HTR4: variants seen among roughly 807,000 people sequenced by gnomAD.
HTR4 encodes 5-hydroxytryptamine receptor 4.
In HTR4, 16 loss-of-function variants were observed where a neutral mutation model predicts 36.8. The observed-to-expected ratio is 0.43, with a 90% CI of 0.29 to 0.66. The LOEUF (loss-of-function observed/expected upper bound fraction) is 0.66, where lower values mean the gene tolerates loss of function less well. Among genes scored for constraint, HTR4 ranks in the 30% least tolerant of loss-of-function variants. The pLI is 0.13. For missense variants in HTR4, 438 were observed against 490.9 expected, an observed-to-expected ratio of 0.89 and a Z score of 1.02; for synonymous variants, 189 against 185.1, an observed-to-expected ratio of 1.02 and a Z score of -0.17.
chr5:148,647,034 T>C (rs1029516544), intron 1 of HTR4, among the ~76,000 whole-genome samples: 3 of 152,224 alleles, frequency 2.0e-5, no homozygotes, highest in South Asian at 2.1e-4. Context: ...AATATGTTTT[T>C]AACTAAGGCT....
intron 5 of HTR4, among the ~76,000 whole-genome samples, chr5:148,459,770 A>C (rs972591774): frequency 5.9e-5 from 9 of 152,192 alleles, no homozygotes; most frequent in Non-Finnish European, 1.2e-4. Flanking sequence ...AACAAACAAA[A>C]AAAACCACAC....
intron 2 of HTR4, among the ~76,000 whole-genome samples, chr5:148,594,777 T>G (rs572243569): frequency 6.6e-6 from 1 of 152,346 alleles, no homozygotes; most frequent in African/African-American, 2.4e-5. Context: ...CAAGGCTGGC[T>G]TTAACCCTAA....
chr5:148,566,893 A>T (rs1374804527), intron 2 of HTR4, among the ~76,000 whole-genome samples: 23 of 146,440 alleles, frequency 1.6e-4, no homozygotes, highest in Non-Finnish European at 9.1e-5. Flanking sequence ...TTATTTCTTC[A>T]TTTTTTTTTT....
At chr5:148,599,285 C>T (rs535449979) in intron 2 of HTR4, among the ~76,000 whole-genome samples, 127 of 152,008 alleles carry the variant, frequency 8.4e-4, no homozygotes, top group Non-Finnish European at 1.3e-3. Context: ...ATATTATGAC[C>T]GCAACCAAGA....
chr5:148,567,654 T>A (rs1412565163), intron 2 of HTR4, among the ~76,000 whole-genome samples: 1 of 152,158 alleles, frequency 6.6e-6, no homozygotes, highest in Non-Finnish European at 1.5e-5. Flanking sequence ...AAGTGCGCTC[T>A]GACCTGTGCG....
intron 2 of HTR4, among the ~76,000 whole-genome samples, chr5:148,579,708 A>G (rs1561631392): frequency 6.6e-6 from 1 of 152,116 alleles, no homozygotes; most frequent in East Asian, 1.9e-4. Flanking sequence ...GTAGGACTAA[A>G]GACCCCATTC....
downstream of HTR4, among the ~76,000 whole-genome samples, chr5:148,480,561 T>C (rs1463521869): frequency 1.3e-5 from 2 of 152,182 alleles, no homozygotes; most frequent in Non-Finnish European, 2.9e-5. Context: ...GTAGCTTTAG[T>C]AGAGATCAAA....
intron 2 of HTR4, among the ~76,000 whole-genome samples, chr5:148,596,952 A>T (rs1761802553): frequency 6.6e-6 from 1 of 152,170 alleles, no homozygotes; most frequent in Non-Finnish European, 1.5e-5. Context: ...GAAGGCAGAG[A>T]GTTGAGTAAG....
At chr5:148,542,906 T>C (rs1204457427) in intron 4 of HTR4, among the ~76,000 whole-genome samples, 1 of 152,200 alleles carries the variant, frequency 6.6e-6, no homozygotes, top group African/African-American at 2.4e-5. Context: ...AACACCCATC[T>C]TTCCAGTGAG....
At chr5:148,582,463 C>A (rs1761175881) in intron 2 of HTR4, among the ~76,000 whole-genome samples, 1 of 151,972 alleles carries the variant, frequency 6.6e-6, no homozygotes, top group East Asian at 1.9e-4. Context: ...CCCCCTTCAT[C>A]CCTCCCTCCT....
chr5:148,513,857 T>C (rs1330261926), intron 5 of HTR4, among the ~76,000 whole-genome samples: 2 of 152,202 alleles, frequency 1.3e-5, no homozygotes, highest in Non-Finnish European at 2.9e-5. Flanking sequence ...TTTCTAAGTA[T>C]TTTATGCTTT....
intron 2 of HTR4, among the ~76,000 whole-genome samples, chr5:148,568,691 G>C (rs1465207271): frequency 6.6e-6 from 1 of 152,132 alleles, no homozygotes; most frequent in Non-Finnish European, 1.5e-5. Context: ...TGTGCTGAAA[G>C]CATACTCTCA....
At chr5:148,470,090 G>T (rs910836522) in intron 5 of HTR4, among the ~76,000 whole-genome samples, 1 of 152,200 alleles carries the variant, frequency 6.6e-6, no homozygotes, top group African/African-American at 2.4e-5. Flanking sequence ...ATAGCTGACA[G>T]TTATTGAGAA....
chr5:148,615,104 T>C (rs1581549494), intron 2 of HTR4, among the ~76,000 whole-genome samples: 2 of 151,110 alleles, frequency 1.3e-5, no homozygotes, highest in African/African-American at 4.8e-5. Context: ...AGTTCAACCA[T>C]TGTGGAAGTC....
At chr5:148,520,695 G>A (rs149924173) in intron 5 of HTR4, among the ~76,000 whole-genome samples, 153 of 152,272 alleles carry the variant, frequency 1.0e-3, no homozygotes, top group African/African-American at 3.6e-3. Context: ...TTAACAGGGG[G>A]CTTCATACAT....
At chr5:148,555,444 T>TC (rs1759903699) in intron 2 of HTR4, among the ~76,000 whole-genome samples, 1 of 152,124 alleles carries the variant, frequency 6.6e-6, no homozygotes, top group Non-Finnish European at 1.5e-5. Flanking sequence ...AAACTAGGAG[T>TC]GACGAGCAAA....
At chr5:148,466,400 CATTT>C (rs1441027491) in intron 5 of HTR4, among the ~76,000 whole-genome samples, 2 of 152,224 alleles carry the variant, frequency 1.3e-5, no homozygotes, top group Admixed American at 1.3e-4. Context: ...TTCTGCAATT[CATTT>C]AACAATACAA....
At chr5:148,474,594 T>C (rs1755650663), downstream of HTR4, among the ~76,000 whole-genome samples, 2 of 152,172 alleles carry the variant, frequency 1.3e-5, no homozygotes, top group Admixed American at 6.5e-5. Context: ...CCAATTTAAA[T>C]GACTATTCAT....
At chr5:148,535,260 GA>G (rs1375849054) in intron 4 of HTR4, among the ~76,000 whole-genome samples, 2 of 152,100 alleles carry the variant, frequency 1.3e-5, no homozygotes, top group African/African-American at 2.4e-5. Context: ...GCAGTTAAAG[GA>G]ATACCCACAT....
Sources: gnomAD v4.1 joint callset for allele counts (sites outside exome capture counted in the v4.1 genomes callset) on GRCh38, gnomAD v4.1.1 for gene constraint, MANE v1.5 for transcripts, NCBI Gene and HGNC (gene_info 2026-07-23, HGNC 2026-07-21) for gene names.